HNRNPR: variants seen among roughly 807,000 people sequenced by gnomAD.
HNRNPR encodes heterogeneous nuclear ribonucleoprotein R.
Under a neutral mutation model 70.3 loss-of-function variants are expected in HNRNPR, and 4 were observed. The observed-to-expected ratio is 0.06, with a 90% CI of 0.03 to 0.13. The LOEUF (loss-of-function observed/expected upper bound fraction) is 0.13. Ranked by LOEUF, HNRNPR falls within the 10% of genes least tolerant of loss-of-function variation. The pLI is 1.00. For synonymous variants in HNRNPR, 241 were observed against 267.6 expected (o/e 0.90, Z 0.97); for missense variants, 423 against 788.5 (o/e 0.54, Z 5.55).
intron 4 of HNRNPR, among the ~76,000 whole-genome samples, chr1:23,335,378 CACCCCTGGGCCACAG>C (rs1490374821): frequency 6.6e-6 from 1 of 152,244 alleles, no homozygotes; most frequent in Admixed American, 6.5e-5. Flanking sequence ...GGGGTCCCCA[CACCCCTGGGCCACAG>C]ACCCGTACTG....
In HNRNPR at chr1:23,310,565, T is replaced by G. The variant is rs372570885; in HGVS notation, c.1791A>C (p.Gln597His). 2.5e-6 allele frequency: 4 copies of G among 1,614,168 alleles called. No individual in the cohort carries two copies. The highest frequency in any genetic ancestry group is 1.7e-6 in the Non-Finnish European group (2 of 1,180,024). Reference protein sequence around the residue: ...QTNNQQNWGSQPIAQQPLQQG... With the variant: ...QTNNQQNWGSHPIAQQPLQQG... ...GCTGAAGCGGCTGCTGAGCGATGGGTTGGGAACCCCAGTTCTGTTGGTTGT... is the reference window on the plus strand; with the variant it reads ...GCTGAAGCGGCTGCTGAGCGATGGGGTGGGAACCCCAGTTCTGTTGGTTGT... The change falls in exon 11 of 11, where the codon CAA becomes CAC. Residue 597 changes from glutamine (Q) to histidine (H), a missense_variant. Gln to His is a conservative substitution (Grantham distance 24). Coordinates refer to ENST00000302271, the MANE Select transcript of HNRNPR (RefSeq NM_005826.5). This position sits in a 1 kb window ranked among gnomAD's most constrained non-coding sequence, Gnocchi z 6.0.
In HNRNPR at chr1:23,310,184, T is replaced by C. The variant is rs1054088983; in HGVS notation, c.*270A>G. 13 of 294,966 alleles carry C rather than the reference T, an allele frequency of 4.4e-5. No homozygotes were observed. Among genetic ancestry groups the C allele is most frequent in the Admixed American group, 9.6e-5 (2 of 20,930 alleles). The allele number at this position is 294,966 out of a possible 1,614,324, so 18.3% of individuals were successfully genotyped here. ...GATTTAACAGTGTGCCCAGCTTGTT[T>C]TGAAGCTAAAATGAAGCCTGAAACG... is the stretch of plus-strand genomic sequence containing the variant. On this transcript the variant is annotated 3_prime_UTR_variant, in exon 11 of 11. Coordinates refer to ENST00000302271, the MANE Select transcript of HNRNPR (RefSeq NM_005826.5). The surrounding 1 kb of genome is among the most constrained non-coding windows in gnomAD (Gnocchi z 6.0).
chr1:23,318,418 G>T lies in HNRNPR; in HGVS notation c.1017+65C>A, dbSNP rs1325905509. 2.3e-6 allele frequency: 3 copies of T among 1,309,646 alleles called. No homozygotes were observed. The highest frequency in any genetic ancestry group is 1.5e-5 in the African/African-American group (1 of 67,904). The allele number at this position is 1,309,646 out of a possible 1,614,324, so 81.1% of individuals were successfully genotyped here. ...ATTTATCATAAAACTCAAAATATTT[G>T]AGCTTTATTCTGAGTACAAAATTTA... is the stretch of plus-strand genomic sequence containing the variant. On this transcript the variant is annotated intron_variant, in intron 8 of 10. Transcript: ENST00000302271. This position sits in a 1 kb window ranked among gnomAD's most constrained non-coding sequence, Gnocchi z 4.2.
In HNRNPR at chr1:23,311,326, T is replaced by C. The variant is rs202076745; in HGVS notation, c.1168-4A>G. ...TGCCATTCATTTCATCCATAGCCTA[T>C]AAAAAATTAGAAAAATTATTTTACA... On this transcript the variant is annotated splice_polypyrimidine_tract_variant and splice_region_variant and intron_variant, in intron 9 of 10. Transcript: ENST00000302271. The C allele has an allele frequency of 6.4e-4, 993 of 1,548,914 alleles. 3 individuals carry two copies. The highest frequency in any genetic ancestry group is 8.2e-4 in the Non-Finnish European group (927 of 1,126,760).
chr1:23,312,813 A>T (rs1645385759), intron 9 of HNRNPR, among the ~76,000 whole-genome samples: 1 of 152,170 alleles, frequency 6.6e-6, no homozygotes, highest in Non-Finnish European at 1.5e-5. Context: ...TTCTGGATCT[A>T]TCTTCCTAAT....
At chr1:23,328,657 G>A (rs530759328) in intron 5 of HNRNPR, among the ~76,000 whole-genome samples, 4 of 152,242 alleles carry the variant, frequency 2.6e-5, no homozygotes, top group Non-Finnish European at 2.9e-5. Context: ...GTGCCACCAC[G>A]CCTGACTAAT....
chr1:23,331,177 C>T lies in HNRNPR; in HGVS notation c.498+2341G>A, dbSNP rs76847785. Among the ~76,000 whole-genome samples the T allele has an allele frequency of 3.9e-3, 597 of 152,242 alleles. 6 individuals carry two copies. The highest frequency in any genetic ancestry group is 0.014 in the African/African-American group (571 of 41,550). On this transcript the variant is annotated intron_variant, in intron 5 of 10. Coordinates refer to ENST00000302271, the MANE Select transcript of HNRNPR (RefSeq NM_005826.5). Reference sequence around the variant, plus strand: ...ACAACATTTAACATACAGAAGAATGCATCTTTCTCCTAAAGGAACAATGCA... The same window carrying T: ...ACAACATTTAACATACAGAAGAATGTATCTTTCTCCTAAAGGAACAATGCA...
At position 23,310,384 on chromosome 1, in the gene HNRNPR, T is replaced by A; in HGVS notation, c.*70A>T. The A allele has an allele frequency of 6.8e-7, 1 of 1,461,554 alleles. No homozygotes were observed. Among genetic ancestry groups the A allele is most frequent in the Admixed American group, 2.3e-5 (1 of 43,582 alleles). The allele number at this position is 1,461,554 out of a possible 1,614,324, so 90.5% of individuals were successfully genotyped here. A position where few individuals can be genotyped will look rare whatever the true frequency, so the allele number is the denominator to read the frequency against. On this transcript the variant is annotated 3_prime_UTR_variant, in exon 11 of 11. Coordinates refer to ENST00000302271, the MANE Select transcript of HNRNPR (RefSeq NM_005826.5). The surrounding 1 kb of genome is among the most constrained non-coding windows in gnomAD (Gnocchi z 6.0). ...TAAAGATGAAACAGTTAAGCCAATT[T>A]TTTTTTTTGAAGAATGTAGATCTAG...
intron 2 of HNRNPR, among the ~76,000 whole-genome samples, chr1:23,339,922 A>G (rs1646648211): frequency 6.6e-6 from 1 of 152,180 alleles, no homozygotes; most frequent in African/African-American, 2.4e-5. Flanking sequence ...AATGTCACAG[A>G]AAGTTCCTGA....
chr1:23,333,829 A>G (rs1252604517), intron 4 of HNRNPR, among the ~76,000 whole-genome samples, 198 bp from the exon 5 acceptor site: 2 of 152,054 alleles, frequency 1.3e-5, no homozygotes, highest in Non-Finnish European at 2.9e-5. Context: ...AATGTTCTCT[A>G]TCCTTAAAAA....
At position 23,337,795 on chromosome 1, in the gene HNRNPR, C is replaced by T. The variant is rs1392009016; in HGVS notation, c.343G>A (p.Val115Met). 1.2e-6 allele frequency: 2 copies of T among 1,613,544 alleles called. No homozygotes were observed. The highest frequency in any genetic ancestry group is 2.7e-5 in the African/African-American group (2 of 74,884). ...TCAGGTCCCTTTGTGGACTCTTGCA[C>T]CTTGCTCCCCTGTTTCTCTCTCTGC... ...YRQREKQGSK[V>M]QESTKGPDEA... is the part of the protein sequence containing the mutation. Residue 115 changes from valine to methionine, a missense_variant, in exon 4 of 11, where the codon GTG (valine) becomes ATG (methionine). Around this residue, in one of 7 missense-constraint regions of HNRNPR, gnomAD observed 118 missense variants for 239.3 expected, o/e 0.49. Coordinates refer to ENST00000302271, the MANE Select transcript of HNRNPR (RefSeq NM_005826.5).
chr1:23,329,762 G>A (rs905579656), intron 5 of HNRNPR, among the ~76,000 whole-genome samples: 1 of 152,180 alleles, frequency 6.6e-6, no homozygotes. Context: ...CAAGTAGCTA[G>A]GGCCATAGCT....
In HNRNPR at chr1:23,321,434, A is replaced by T. The variant is rs1645755105; in HGVS notation, c.811+94T>A. ...TTAGATACTTCAGACCTGAATTCTTAATTTAATACATACAACCCCTCAGTT... is the reference window on the plus strand; with the variant it reads ...TTAGATACTTCAGACCTGAATTCTTTATTTAATACATACAACCCCTCAGTT... On this transcript the variant is annotated intron_variant, in intron 7 of 10. Coordinates refer to ENST00000302271, the MANE Select transcript of HNRNPR (RefSeq NM_005826.5). The T allele has an allele frequency of 1.4e-5, 15 of 1,047,346 alleles. No homozygotes were observed. The East Asian group carries it at 3.8e-4, about 26-fold the overall frequency. 64.9% of individuals were successfully genotyped at this position (1,047,346 alleles called of 1,614,324 possible). A position where few individuals can be genotyped will look rare whatever the true frequency, so the allele number is the denominator to read the frequency against.
chr1:23,311,367 ATTTT>A, intron 9 of HNRNPR, 45 bp from the exon 10 acceptor site: 5 of 1,279,936 alleles, frequency 3.9e-6, no homozygotes, highest in Non-Finnish European at 5.5e-6. Context: ...ATAAAACTGT[ATTTT>A]GTTTTATATA....
At position 23,310,626 on chromosome 1, in the gene HNRNPR, C is replaced by G; in HGVS notation, c.1730G>C (p.Gly577Ala). 1 of 1,614,074 alleles carries G rather than the reference C, an allele frequency of 6.2e-7. No homozygotes were observed. Among genetic ancestry groups the G allele is most frequent in the Non-Finnish European group, 8.5e-7 (1 of 1,179,970 alleles). The change falls in exon 11 of 11, where the codon GGG becomes GCG. Residue 577 changes from glycine to alanine, a missense_variant. Transcript: ENST00000302271. The surrounding 1 kb of genome is among the most constrained non-coding windows in gnomAD (Gnocchi z 6.0). Reference protein sequence around the residue: ...GNVGGKRKADGYNQPDSKRRQ... With the variant: ...GNVGGKRKADAYNQPDSKRRQ... ...ACGCTTGGAATCAGGCTGGTTGTACCCATCTGCCTTTCTCTTGCCTCCTAC... is the reference window on the plus strand; with the variant it reads ...ACGCTTGGAATCAGGCTGGTTGTACGCATCTGCCTTTCTCTTGCCTCCTAC...
At chr1:23,328,491 TTTGTTG>T (rs927875797) in intron 5 of HNRNPR, among the ~76,000 whole-genome samples, 1 of 152,100 alleles carries the variant, frequency 6.6e-6, no homozygotes, top group Non-Finnish European at 1.5e-5. Flanking sequence ...AGTTTCGTTT[TTTGTTG>T]TTGTTGTTGT....
At chr1:23,317,215 T>A (rs1645579150) in intron 8 of HNRNPR, among the ~76,000 whole-genome samples, 1 of 151,980 alleles carries the variant, frequency 6.6e-6, no homozygotes, top group Non-Finnish European at 1.5e-5. Context: ...CCCCAGCACT[T>A]TGGGAGGCCG....
In HNRNPR at chr1:23,309,510, G is replaced by A. The variant is rs1211373490; in HGVS notation, c.*944C>T. The A allele has an allele frequency of 6.4e-5, 8 of 124,444 alleles. No homozygotes were observed. Among genetic ancestry groups the A allele is most frequent in the African/African-American group, 2.5e-4 (8 of 31,792 alleles). The allele number at this position is 124,444 out of a possible 1,614,324, so 7.7% of individuals were successfully genotyped here. A position where few individuals can be genotyped will look rare whatever the true frequency, so the allele number is the denominator to read the frequency against. The stretch of plus-strand genomic sequence containing the variant: ...CCAATGCCTGCAAGAATGCTCAAAA[G>A]TCTATGAACCTGTTTTTTTTTTTTT... On this transcript the variant is annotated 3_prime_UTR_variant, in exon 11 of 11. Coordinates refer to ENST00000302271, the MANE Select transcript of HNRNPR (RefSeq NM_005826.5).
chr1:23,321,676 A>AAAGAAG lies in HNRNPR; in HGVS notation c.676-14_676-13insCTTCTT, dbSNP rs1645763912. On this transcript the variant is annotated splice_polypyrimidine_tract_variant and intron_variant, in intron 6 of 10. Coordinates refer to ENST00000302271, the MANE Select transcript of HNRNPR (RefSeq NM_005826.5). ...CATAGCTGTCACACTGCAATAAGAA[A>AAAGAAG]AGAACCAGAGACCCCAAAACCACCC... The AAAGAAG allele has an allele frequency of 6.2e-7, 1 of 1,602,124 alleles. No homozygotes were observed. Among genetic ancestry groups the AAAGAAG allele is most frequent in the African/African-American group, 1.3e-5 (1 of 74,420 alleles).
Sources: gnomAD v4.1 joint callset for allele counts (sites outside exome capture counted in the v4.1 genomes callset) on GRCh38, gnomAD v4.1.1 for gene constraint, gnomAD v4.1.1 regional missense constraint, Gnocchi (gnomAD v3.1) non-coding constraint, MANE v1.5 for transcripts, NCBI Gene and HGNC (gene_info 2026-07-23, HGNC 2026-07-21) for gene names.